SERTAD2: variants seen among roughly 807,000 people sequenced by gnomAD.
The protein encoded by SERTAD2 is SERTA domain containing 2, also known as SERTA domain-containing protein 2.
In SERTAD2, 2 loss-of-function variants were observed where a neutral mutation model predicts 15.4. The ratio of observed to expected loss-of-function variants is 0.13; its 90% CI spans 0.05 to 0.41. The LOEUF is 0.41. Among genes scored for constraint, SERTAD2 ranks in the 10% least tolerant of loss-of-function variants. The pLI, the probability that SERTAD2 is intolerant of heterozygous loss-of-function variation, is 0.99. For missense variants in SERTAD2, 333 were observed against 409.7 expected (o/e 0.81, Z 1.62); for synonymous variants, 180 against 178.0 (o/e 1.01, Z -0.09).
At chr2:64,653,030 C>T (rs905842692) in intron 1 of SERTAD2, among the ~76,000 whole-genome samples, 25 of 152,144 alleles carry the variant, frequency 1.6e-4, no homozygotes, top group African/African-American at 6.0e-4. Flanking sequence ...AACTTAAAAA[C>T]CAACGAGACG....
chr2:64,653,163 C>A (rs77458866), intron 1 of SERTAD2, among the ~76,000 whole-genome samples: 3,190 of 152,312 alleles, frequency 0.021, 52 homozygotes, highest in Non-Finnish European at 0.03. Flanking sequence ...CAAAAACGCA[C>A]TACAGTAAGT....
chr2:64,631,856 C>T lies in SERTAD2; in HGVS notation c.*4071G>A, dbSNP rs1674540646. Reference sequence around the variant, plus strand: ...AAAGCCCTCCTCAAAAACCATGCACCAAACATGTCACTATGTACATCTTTT... The same window carrying T: ...AAAGCCCTCCTCAAAAACCATGCACTAAACATGTCACTATGTACATCTTTT... On this transcript the variant is annotated 3_prime_UTR_variant, in exon 2 of 2. Coordinates refer to ENST00000313349, the MANE Select transcript of SERTAD2 (RefSeq NM_014755.3). 6.6e-6 allele frequency: 1 copy of T among 152,600 alleles called. No homozygotes were observed. The allele number at this position is 152,600 out of a possible 1,614,324, so 9.5% of individuals were successfully genotyped here.
Position 64,636,438 on chromosome 2 carries a change from G to T in SERTAD2, c.434C>A (p.Thr145Asn). 1 of 1,614,190 alleles carries T rather than the reference G, an allele frequency of 6.2e-7. No individual in the cohort carries two copies. The highest frequency in any genetic ancestry group is 1.1e-5 in the South Asian group (1 of 91,078). The change falls in exon 2 of 2, where the codon ACC becomes AAC. Residue 145 changes from threonine (T) to asparagine (N), a missense_variant. By Grantham distance (65) the Thr-to-Asn change is moderately conservative. Transcript: ENST00000313349. Reference sequence around the variant, plus strand: ...AGCCGTGGGCTGCATGGCCTGGGAGGTGCAAAACGTGTCATCGTCGTCCTC... The same window carrying T: ...AGCCGTGGGCTGCATGGCCTGGGAGTTGCAAAACGTGTCATCGTCGTCCTC... ...LLEDDDDTFC[T>N]SQAMQPTAPT...
chr2:64,640,981 T>C (rs1290341014), intron 1 of SERTAD2, among the ~76,000 whole-genome samples: 3 of 152,170 alleles, frequency 2.0e-5, no homozygotes, highest in Non-Finnish European at 4.4e-5. Flanking sequence ...CCAATAAACT[T>C]TTTAGAAACA....
chr2:64,640,707 G>A (rs942563209), intron 1 of SERTAD2, among the ~76,000 whole-genome samples: 9 of 152,074 alleles, frequency 5.9e-5, no homozygotes, highest in South Asian at 4.1e-4. Flanking sequence ...AGGTCACCCC[G>A]GGGCTTTGAC....
Position 64,639,307 on chromosome 2 carries a change from G to GT in SERTAD2, c.-4-2433dup, listed in dbSNP as rs544156062. On this transcript the variant is annotated intron_variant, in intron 1 of 1. Transcript: ENST00000313349. The stretch of plus-strand genomic sequence containing the variant: ...GAAACTTCTACAGCAAATTTACACA[G>GT]TAACTGTTATGTCTGTACATGGAAT... Among the ~76,000 whole-genome samples the GT allele has an allele frequency of 1.1e-4, 17 of 152,320 alleles. No homozygotes were observed. In the East Asian group the frequency reaches 3.3e-3, roughly 29 times the overall value.
chr2:64,652,808 A>G (rs552494433), intron 1 of SERTAD2, among the ~76,000 whole-genome samples: 16 of 151,672 alleles, frequency 1.1e-4, no homozygotes, highest in Non-Finnish European at 1.9e-4. Context: ...CTAAAACTCG[A>G]CTCCCATCGC....
At chr2:64,642,731 G>A (rs1254004390) in intron 1 of SERTAD2, among the ~76,000 whole-genome samples, 2 of 152,174 alleles carry the variant, frequency 1.3e-5, no homozygotes, top group African/African-American at 4.8e-5. Context: ...TGGGGGGGCA[G>A]GGGCAGTGTG....
Position 64,635,845 on chromosome 2 carries a change from G to T in SERTAD2, c.*82C>A. 1 of 1,086,152 alleles carries T rather than the reference G, an allele frequency of 9.2e-7. No individual in the cohort carries two copies. The highest frequency in any genetic ancestry group is 1.4e-6 in the Non-Finnish European group (1 of 733,948). 67.3% of individuals were successfully genotyped at this position (1,086,152 alleles called of 1,614,324 possible). On this transcript the variant is annotated 3_prime_UTR_variant, in exon 2 of 2. Coordinates refer to ENST00000313349, the MANE Select transcript of SERTAD2 (RefSeq NM_014755.3). ...TTTTCTCTGAAAAAGGCAAGCAAGG[G>T]TGCATGCACAGTGTGGAGAACTGTC...
rs1173716269 is a variant in SERTAD2 at position 64,634,963 on chromosome 2, C to T, written c.*964G>A. Reference sequence around the variant, plus strand: ...GAACCATCACTTAAACCCCCAGCTCCACAGCCATCTCCCGCCAACTGCTTA... The same window carrying T: ...GAACCATCACTTAAACCCCCAGCTCTACAGCCATCTCCCGCCAACTGCTTA... On this transcript the variant is annotated 3_prime_UTR_variant, in exon 2 of 2. Transcript: ENST00000313349. 2 of 152,680 alleles carry T rather than the reference C, an allele frequency of 1.3e-5. No individual in the cohort carries two copies. Among genetic ancestry groups the T allele is most frequent in the African/African-American group, 4.8e-5 (2 of 41,460 alleles). 9.5% of individuals were successfully genotyped at this position (152,680 alleles called of 1,614,324 possible).
rs923146163 is a variant in SERTAD2, at chr2:64,653,610, G to C, written c.-5+10C>G. Reference sequence around the variant, plus strand: ...CGGATCCCCTCCAGCCCGACGCCGGGAGAACTTACCACATGCAGCTCCACC... The same window carrying C: ...CGGATCCCCTCCAGCCCGACGCCGGCAGAACTTACCACATGCAGCTCCACC... On this transcript the variant is annotated intron_variant, in intron 1 of 1. Coordinates refer to ENST00000313349, the MANE Select transcript of SERTAD2 (RefSeq NM_014755.3). 1 of 152,788 alleles carries C rather than the reference G, an allele frequency of 6.5e-6. No homozygotes were observed. Among genetic ancestry groups the C allele is most frequent in the Non-Finnish European group, 1.5e-5 (1 of 68,564 alleles). 9.5% of individuals were successfully genotyped at this position (152,788 alleles called of 1,614,324 possible).
intron 1 of SERTAD2, among the ~76,000 whole-genome samples, chr2:64,638,161 C>T (rs1238521801): frequency 6.6e-6 from 1 of 152,206 alleles, no homozygotes; most frequent in Admixed American, 6.5e-5. Flanking sequence ...CAGTGTGACT[C>T]ACTCTCATGT....
intron 1 of SERTAD2, among the ~76,000 whole-genome samples, chr2:64,648,573 G>A (rs796741197): frequency 1.8e-4 from 28 of 152,186 alleles, no homozygotes; most frequent in African/African-American, 6.7e-4. Context: ...CACACTAAAT[G>A]TAATAACTAT....
At chr2:64,645,610 T>C (rs1450227918) in intron 1 of SERTAD2, among the ~76,000 whole-genome samples, 2 of 152,208 alleles carry the variant, frequency 1.3e-5, no homozygotes, top group Non-Finnish European at 2.9e-5. Context: ...TAAAATAATT[T>C]TTTAAAAATG....
chr2:64,641,687 G>A (rs1429395793), intron 1 of SERTAD2, among the ~76,000 whole-genome samples: 1 of 152,230 alleles, frequency 6.6e-6, no homozygotes, highest in Non-Finnish European at 1.5e-5. Context: ...CTGTGTCTGG[G>A]AGGGAGGGTC....
chr2:64,646,646 A>G (rs1313201262), intron 1 of SERTAD2: 1 of 152,264 alleles, frequency 6.6e-6, no homozygotes. Flanking sequence ...GGACACTGCT[A>G]AGCAAGCTGG....
Position 64,636,473 on chromosome 2 carries a change from G to T in SERTAD2, c.399C>A (p.Ala133=). 1 of 1,614,014 alleles carries T rather than the reference G, an allele frequency of 6.2e-7. No individual in the cohort carries two copies. Among genetic ancestry groups the T allele is most frequent in the South Asian group, 1.1e-5 (1 of 91,084 alleles). The change falls in exon 2 of 2, where the codon GCC becomes GCA. Residue 133 remains alanine (A), a synonymous_variant. Transcript: ENST00000313349. ...TTPLEACLTP[A]SLLEDDDDTF... is the part of the protein sequence containing the mutation. ...TGTCATCGTCGTCCTCGAGCAGTGA[G>T]GCCGGGGTGAGGCAGGCCTCCAGGG...
In SERTAD2 at chr2:64,634,570, G is replaced by A. The variant is rs1297593430; in HGVS notation, c.*1357C>T. 6.6e-6 allele frequency: 1 copy of A among 151,690 alleles called. No individual in the cohort carries two copies. Among genetic ancestry groups the A allele is most frequent in the Non-Finnish European group, 1.5e-5 (1 of 68,048 alleles). 9.4% of individuals were successfully genotyped at this position (151,690 alleles called of 1,614,324 possible). ...AAGAGTGCATCCCGGGCCGGCCGAG[G>A]CGAGCCAAGCTCACTGTGGTGATCA... On this transcript the variant is annotated 3_prime_UTR_variant, in exon 2 of 2. Transcript: ENST00000313349.
intron 1 of SERTAD2, among the ~76,000 whole-genome samples, chr2:64,650,381 G>C (rs1215037196): frequency 6.6e-6 from 1 of 151,604 alleles, no homozygotes; most frequent in Non-Finnish European, 1.5e-5. Flanking sequence ...ACAAAACAAG[G>C]AGTCTATTTA....
Sources: gnomAD v4.1 joint callset for allele counts (sites outside exome capture counted in the v4.1 genomes callset) on GRCh38, gnomAD v4.1.1 for gene constraint, MANE v1.5 for transcripts, NCBI Gene and HGNC (gene_info 2026-07-23, HGNC 2026-07-21) for gene names.